The following AUTS2 variants were observed in gnomAD, a reference collection of about 807,000 sequenced individuals.
The protein encoded by AUTS2 is autism susceptibility gene 2 protein.
Under a neutral mutation model 112.4 loss-of-function variants are expected in AUTS2, and 17 were observed. The ratio of observed to expected loss-of-function variants is 0.15; its 90% CI spans 0.10 to 0.23. AUTS2 has a LOEUF of 0.23. Ranked by LOEUF, AUTS2 falls within the 10% of genes least tolerant of loss-of-function variation. AUTS2 has a pLI of 1.00. For synonymous variants in AUTS2, 751 were observed against 702.7 expected, an observed-to-expected ratio of 1.07 and a Z score of -1.09; for missense variants, 1,510 against 1,701.6, an observed-to-expected ratio of 0.89 and a Z score of 1.98.
intron 1 of AUTS2, among the ~76,000 whole-genome samples, chr7:69,837,640 T>C (rs1243814209): frequency 6.6e-6 from 1 of 152,190 alleles, no homozygotes; most frequent in African/African-American, 2.4e-5. Context: ...CAATTTGCTA[T>C]GTGTTCTTGC....
intron 2 of AUTS2, among the ~76,000 whole-genome samples, chr7:69,945,462 A>G (rs760994810): frequency 3.3e-5 from 5 of 152,184 alleles, no homozygotes; most frequent in African/African-American, 4.8e-5. Context: ...GCTTTATATT[A>G]AAGTATAATT....
chr7:70,479,903 C>A (rs749147019), intron 5 of AUTS2, among the ~76,000 whole-genome samples: 1 of 152,170 alleles, frequency 6.6e-6, no homozygotes, highest in Non-Finnish European at 1.5e-5. Flanking sequence ...GACAGATAGA[C>A]GATAACGAGG....
intron 1 of AUTS2, among the ~76,000 whole-genome samples, chr7:69,823,942 C>G (rs73440105): frequency 3.9e-5 from 6 of 152,104 alleles, no homozygotes; most frequent in Non-Finnish European, 8.8e-5. Flanking sequence ...ACTTGAAACT[C>G]TAGAGGTATG....
chr7:70,645,382 C>T (rs1003844648), intron 5 of AUTS2, among the ~76,000 whole-genome samples: 1 of 151,994 alleles, frequency 6.6e-6, no homozygotes, highest in Non-Finnish European at 1.5e-5. Flanking sequence ...AGAAGTGTCA[C>T]GGTGGGGCAG....
At chr7:70,478,205 C>T (rs1181584824) in intron 5 of AUTS2, among the ~76,000 whole-genome samples, 3 of 151,974 alleles carry the variant, frequency 2.0e-5, no homozygotes, top group Non-Finnish European at 4.4e-5. Flanking sequence ...AAAAGTAAGA[C>T]GTGTTCAATA....
chr7:69,616,092 G>A (rs1350007945), intron 1 of AUTS2, among the ~76,000 whole-genome samples: 1 of 152,122 alleles, frequency 6.6e-6, no homozygotes, highest in African/African-American at 2.4e-5. Context: ...CTGTGTATAA[G>A]CCTCTATCAC....
At chr7:69,687,235 G>A (rs951196619) in intron 1 of AUTS2, among the ~76,000 whole-genome samples, 1 of 152,190 alleles carries the variant, frequency 6.6e-6, no homozygotes, top group East Asian at 1.9e-4. Context: ...ATTAAAGTAA[G>A]TAATTTATAT....
chr7:70,158,219 A>G (rs1173638091), intron 4 of AUTS2, among the ~76,000 whole-genome samples: 1 of 152,144 alleles, frequency 6.6e-6, no homozygotes, highest in East Asian at 1.9e-4. Context: ...TTTTCATTTC[A>G]TAGTGCAAGT....
At chr7:70,299,517 A>G (rs537287711) in intron 4 of AUTS2, among the ~76,000 whole-genome samples, 8 of 152,292 alleles carry the variant, frequency 5.3e-5, no homozygotes, top group African/African-American at 1.4e-4. Flanking sequence ...TGTTGCACCC[A>G]AAAATAGGTG....
rs766396188 is a variant in AUTS2, at chr7:70,763,282, G to A, written c.1155G>A (p.Gln385=). 5 of 1,608,898 alleles carry A rather than the reference G, an allele frequency of 3.1e-6. No individual in the cohort carries two copies. Among genetic ancestry groups the A allele is most frequent in the Non-Finnish European group, 4.2e-6 (5 of 1,177,058 alleles). Residue 385 remains glutamine, a synonymous_variant, in exon 7 of 19, where the codon CAG becomes CAA. Coordinates refer to ENST00000342771, the MANE Select transcript of AUTS2 (RefSeq NM_015570.4). ...LPPVQAHPSA[Q]SLSQPLSAYN... ...CTGTGCAGGCCCACCCCTCTGCTCAGAGCCTCTCCCAGCCATTGTCAGCCT... is the reference window on the plus strand; with the variant it reads ...CTGTGCAGGCCCACCCCTCTGCTCAAAGCCTCTCCCAGCCATTGTCAGCCT...
chr7:69,777,014 G>GT (rs1408868692), intron 1 of AUTS2, among the ~76,000 whole-genome samples: 1 of 151,904 alleles, frequency 6.6e-6, no homozygotes, highest in Non-Finnish European at 1.5e-5. Flanking sequence ...CCTTATTTGA[G>GT]TAACTGTCAT....
Position 69,654,250 on chromosome 7 carries a change from A to C in AUTS2, c.309+54288A>C, listed in dbSNP as rs376759739. Among the ~76,000 whole-genome samples the C allele has an allele frequency of 8.7e-4, 132 of 152,242 alleles. 3 individuals are homozygous for C. In the South Asian group the frequency reaches 0.027, roughly 32 times the overall value. On this transcript the variant is annotated intron_variant, in intron 1 of 18. Transcript: ENST00000342771. ...ATCTTGATTCACTTCCTACACCTGC[A>C]GCCCCCAGTCTTGCTTGATCTAGCT...
intron 2 of AUTS2, among the ~76,000 whole-genome samples, chr7:69,966,405 G>A (rs1030279467): frequency 6.6e-5 from 10 of 152,160 alleles, no homozygotes; most frequent in Non-Finnish European, 1.3e-4. Flanking sequence ...GGAGCACAAA[G>A]CAACTGAATG....
Position 69,742,437 on chromosome 7 carries a change from T to G in AUTS2, c.309+142475T>G, listed in dbSNP as rs925808115. ...TATCTAAAGCCCTTAGCACTATGCT[T>G]GGCATGTTTGCTCTGTAAATAACAG... On this transcript the variant is annotated intron_variant, in intron 1 of 18. Coordinates refer to ENST00000342771, the MANE Select transcript of AUTS2 (RefSeq NM_015570.4). 3.9e-5 allele frequency among the ~76,000 whole-genome samples: 6 copies of G among 152,262 alleles called. No homozygotes were observed. The East Asian group carries it at 1.2e-3, about 29-fold the overall frequency.
intron 4 of AUTS2, among the ~76,000 whole-genome samples, chr7:70,237,047 C>T (rs1812364200): frequency 6.6e-6 from 1 of 152,158 alleles, no homozygotes; most frequent in Non-Finnish European, 1.5e-5. Context: ...TCATCAGATC[C>T]AGCCCCTTTG....
At chr7:70,151,468 G>A (rs1807436362) in intron 4 of AUTS2, among the ~76,000 whole-genome samples, 1 of 152,036 alleles carries the variant, frequency 6.6e-6, no homozygotes, top group African/African-American at 2.4e-5. Context: ...AGTTTGCCGT[G>A]ACACTTTTTA....
chr7:69,647,825 G>A (rs1795100948), intron 1 of AUTS2, among the ~76,000 whole-genome samples: 1 of 152,192 alleles, frequency 6.6e-6, no homozygotes, highest in Non-Finnish European at 1.5e-5. Context: ...AGCCTATAGG[G>A]GAATCTTTCT....
chr7:70,333,627 A>G (rs1279028660), intron 4 of AUTS2, among the ~76,000 whole-genome samples: 2 of 152,232 alleles, frequency 1.3e-5, no homozygotes, highest in Non-Finnish European at 2.9e-5. Context: ...CTATGCAGCC[A>G]TAAAAAGGGA....
chr7:70,312,985 G>C (rs1416685689), intron 4 of AUTS2, among the ~76,000 whole-genome samples: 1 of 152,162 alleles, frequency 6.6e-6, no homozygotes. Flanking sequence ...AGATTGATTT[G>C]GGAGTAAAAG....
Sources: gnomAD v4.1 joint callset for allele counts (sites outside exome capture counted in the v4.1 genomes callset) on GRCh38, gnomAD v4.1.1 for gene constraint, MANE v1.5 for transcripts, NCBI Gene and HGNC (gene_info 2026-07-23, HGNC 2026-07-21) for gene names.